Variants in STEAP3 observed in about 807,000 individuals in gnomAD.
The protein encoded by STEAP3 is metalloreductase STEAP3.
A neutral mutation model predicts 34.9 loss-of-function variants in STEAP3; 35 were observed. The ratio of observed to expected loss-of-function variants is 1.00; its 90% confidence interval spans 0.76 to 1.33. The LOEUF is 1.33. STEAP3 is among the 40% of genes most tolerant of loss of function. The pLI is 0.00. For synonymous variants in STEAP3, 281 were observed against 301.6 expected (o/e 0.93, Z 0.71); for missense variants, 652 against 667.6 (o/e 0.98, Z 0.26).
chr2:119,239,696 A>G (rs983989828), intron 2 of STEAP3, among the ~76,000 whole-genome samples: 1 of 152,164 alleles, frequency 6.6e-6, no homozygotes, highest in African/African-American at 2.4e-5. Context: ...CACCTCCTGC[A>G]GGAATCCTCC....
intron 5 of STEAP3, among the ~76,000 whole-genome samples, chr2:119,255,776 C>T (rs1395196807): frequency 1.3e-5 from 2 of 151,862 alleles, no homozygotes; most frequent in Admixed American, 6.6e-5. Flanking sequence ...ACAGAACATA[C>T]TCTGGGAAAT....
At chr2:119,225,770 C>T (rs931939688) in intron 1 of STEAP3, among the ~76,000 whole-genome samples, 7 of 152,238 alleles carry the variant, frequency 4.6e-5, no homozygotes, top group African/African-American at 1.7e-4. Flanking sequence ...GAGTCCAAAT[C>T]TCAGCTCCTT....
intron 4 of STEAP3, 148 bp from the exon 5 acceptor site, chr2:119,254,536 T>G (rs1677717453): frequency 1.3e-5 from 11 of 825,554 alleles, no homozygotes. Flanking sequence ...GATGAGTTAA[T>G]GCCTGAGAAA....
intron 5 of STEAP3, among the ~76,000 whole-genome samples, chr2:119,258,272 G>A (rs746334402): frequency 2.0e-5 from 3 of 151,996 alleles, no homozygotes; most frequent in African/African-American, 4.8e-5. Context: ...TGTTGGTTTT[G>A]GTGCTTTTGG....
At chr2:119,257,571 C>A (rs35542892) in intron 5 of STEAP3, 2 of 1,542,668 alleles carry the variant, frequency 1.3e-6, no homozygotes, top group East Asian at 5.0e-5. Context: ...CCTAGGCCCT[C>A]GGAGCTTCTG....
chr2:119,261,454 G>T (rs566850758), intron 5 of STEAP3, among the ~76,000 whole-genome samples: 1 of 151,880 alleles, frequency 6.6e-6, no homozygotes, highest in South Asian at 2.1e-4. Context: ...GACGTGGGAG[G>T]TCTCTCCCAA....
chr2:119,250,658 G>A (rs1362863003), intron 4 of STEAP3, among the ~76,000 whole-genome samples: 3 of 152,054 alleles, frequency 2.0e-5, no homozygotes, highest in Non-Finnish European at 4.4e-5. Flanking sequence ...CTACCCCCCA[G>A]GGTAAAAGAC....
At chr2:119,232,550 G>A (rs768875004) in intron 2 of STEAP3, among the ~76,000 whole-genome samples, 78 of 152,270 alleles carry the variant, frequency 5.1e-4, no homozygotes, top group African/African-American at 1.5e-3. Context: ...GGGGAGGCCC[G>A]GAGTTTCTAC....
intron 3 of STEAP3, 188 bp downstream of exon 3, chr2:119,246,176 G>T (rs1677420405): frequency 3.6e-6 from 3 of 826,936 alleles, no homozygotes; most frequent in Non-Finnish European, 3.6e-6. Context: ...TTCCATAGCT[G>T]GTAAGTTGGG....
intron 5 of STEAP3, among the ~76,000 whole-genome samples, chr2:119,261,040 T>C (rs1297569724): frequency 1.3e-5 from 2 of 152,058 alleles, no homozygotes; most frequent in Non-Finnish European, 2.9e-5. Flanking sequence ...CATTGGAAAA[T>C]GTTTATTATT....
intron 2 of STEAP3, chr2:119,245,174 G>A (rs994010627): frequency 5.1e-5 from 19 of 375,650 alleles, no homozygotes; most frequent in Non-Finnish European, 7.7e-5. Flanking sequence ...GCATCACATT[G>A]GTCATGGAAA....
rs750562517 is a variant in STEAP3 at position 119,245,691 on chromosome 2, C to G, written c.225C>G (p.Ala75=). 6.2e-7 allele frequency: 1 copy of G among 1,614,114 alleles called. No homozygotes were observed. The change falls in exon 3 of 6, where the codon GCC becomes GCG. Residue 75 remains alanine (A), a synonymous_variant. Transcript: ENST00000393110. Reference sequence around the variant, plus strand: ...GGAGCCGCAACCCCAAACGCACAGCCAGGCTGTTTCCCTCAGCGGCCCAAG... The same window carrying G: ...GGAGCCGCAACCCCAAACGCACAGCGAGGCTGTTTCCCTCAGCGGCCCAAG... ...VVGSRNPKRT[A]RLFPSAAQVT... is the part of the protein sequence containing the mutation.
At chr2:119,254,904 A>C in intron 5 of STEAP3, 56 bp downstream of exon 5, 6 of 1,576,180 alleles carry the variant, frequency 3.8e-6, no homozygotes, top group Non-Finnish European at 4.3e-6. Flanking sequence ...CCCACCTCTC[A>C]TGAGTAAGTG....
chr2:119,242,846 C>T (rs1677288789), intron 2 of STEAP3, among the ~76,000 whole-genome samples: 2 of 152,206 alleles, frequency 1.3e-5, no homozygotes, highest in African/African-American at 4.8e-5. Context: ...GGCGGACTGG[C>T]TCCAGAGCCC....
At chr2:119,225,933 G>A (rs1018031019) in intron 1 of STEAP3, among the ~76,000 whole-genome samples, 4 of 152,206 alleles carry the variant, frequency 2.6e-5, no homozygotes, top group Non-Finnish European at 4.4e-5. Context: ...AGTAAATATC[G>A]GATCCCTCCT....
Position 119,236,637 on chromosome 2 carries a change from T to C in STEAP3, c.22+5603T>C, listed in dbSNP as rs141868102. 2.2e-4 allele frequency among the ~76,000 whole-genome samples: 33 copies of C among 152,252 alleles called. No individual in the cohort carries two copies. In the East Asian group the frequency reaches 6.2e-3, roughly 28 times the overall value. On this transcript the variant is annotated intron_variant, in intron 2 of 5. Coordinates refer to ENST00000393110, the MANE Select transcript of STEAP3 (RefSeq NM_182915.3). ...ATCCTCTGCCTGGTTAGGGAAGGGA[T>C]GACTTTAGGAGGAAGAGGGACCTAA...
chr2:119,243,094 C>T (rs1677299165), intron 2 of STEAP3, among the ~76,000 whole-genome samples: 1 of 152,206 alleles, frequency 6.6e-6, no homozygotes, highest in South Asian at 2.1e-4. Flanking sequence ...CATCTGTGGA[C>T]TCGGAAAGCA....
chr2:119,263,783 C>T lies in STEAP3; in HGVS notation c.*445C>T, dbSNP rs1678023570. 5 of 306,502 alleles carry T rather than the reference C, an allele frequency of 1.6e-5. No homozygotes were observed. The highest frequency in any genetic ancestry group is 1.2e-4 in the South Asian group (4 of 34,678). The allele number at this position is 306,502 out of a possible 1,614,324, so 19.0% of individuals were successfully genotyped here. The stretch of plus-strand genomic sequence containing the variant: ...TTTTGCTACTTCCCCAAGGCTCTTG[C>T]AGAGCTAGGGCTCTGAAGGGGAGGG... On this transcript the variant is annotated 3_prime_UTR_variant, in exon 6 of 6. Coordinates refer to ENST00000393110, the MANE Select transcript of STEAP3 (RefSeq NM_182915.3).
intron 3 of STEAP3, 116 bp downstream of exon 3, chr2:119,246,104 C>T (rs1677417754): frequency 7.5e-7 from 1 of 1,341,392 alleles, no homozygotes; most frequent in Non-Finnish European, 1.0e-6. Flanking sequence ...TGCATCACTG[C>T]AAAATTCCAT....
Sources: gnomAD v4.1 joint callset for allele counts (sites outside exome capture counted in the v4.1 genomes callset) on GRCh38, gnomAD v4.1.1 for gene constraint, MANE v1.5 for transcripts, NCBI Gene and HGNC (gene_info 2026-07-23, HGNC 2026-07-21) for gene names.